PRR16: variants seen among roughly 807,000 people sequenced by gnomAD.
The protein encoded by PRR16 is protein Largen.
PRR16 carries 6 observed loss-of-function variants against 18.2 expected under a neutral mutation model. That is an observed-to-expected ratio of 0.33 (90% confidence interval 0.18 to 0.65). PRR16 has a LOEUF of 0.65. Among genes scored for constraint, PRR16 ranks in the 30% least tolerant of loss-of-function variants. The pLI is 0.74. For synonymous variants in PRR16, 151 were observed against 147.8 expected (o/e 1.02, Z -0.16); for missense variants, 412 against 376.6 (o/e 1.09, Z -0.78).
chr5:120,743,864 ATGT>A, the PRR16 span, among the ~76,000 whole-genome samples: 5 of 151,918 alleles, frequency 3.3e-5, no homozygotes, highest in Non-Finnish European at 4.4e-5. Context: ...CATTCTGAAT[ATGT>A]TGTTTTTTCC....
intron 1 of PRR16, among the ~76,000 whole-genome samples, chr5:120,676,528 G>A (rs1378637967): frequency 9.4e-5 from 14 of 149,030 alleles, no homozygotes; most frequent in African/African-American, 1.2e-4. Flanking sequence ...ATATATGTGT[G>A]TGTGTGTGTG....
chr5:120,698,221 T>C, the PRR16 span, among the ~76,000 whole-genome samples: 6 of 152,050 alleles, frequency 3.9e-5, no homozygotes, highest in East Asian at 9.7e-4. Flanking sequence ...AGGAAGATTT[T>C]GTGGTAAGGG....
At chr5:120,502,462 C>G (rs546592273) in intron 1 of PRR16, among the ~76,000 whole-genome samples, 3 of 151,644 alleles carry the variant, frequency 2.0e-5, no homozygotes, top group Non-Finnish European at 4.4e-5. Flanking sequence ...GTCTTTGTTA[C>G]TTCTCAGGCC....
the PRR16 span, among the ~76,000 whole-genome samples, chr5:120,729,805 T>TG: frequency 6.6e-6 from 1 of 152,000 alleles, no homozygotes; most frequent in Non-Finnish European, 1.5e-5. Context: ...AAACTGCCAT[T>TG]GGTTTGATCT....
the PRR16 span, among the ~76,000 whole-genome samples, chr5:120,717,235 C>G: frequency 6.6e-6 from 1 of 152,156 alleles, no homozygotes; most frequent in Non-Finnish European, 1.5e-5. Flanking sequence ...TTACTAGCTC[C>G]TCCACTTTTC....
chr5:120,614,380 C>T (rs756209538), intron 1 of PRR16, among the ~76,000 whole-genome samples: 1 of 152,158 alleles, frequency 6.6e-6, no homozygotes, highest in African/African-American at 2.4e-5. Flanking sequence ...TGTAAATGCA[C>T]ATTTGTCACG....
At chr5:120,718,838 T>G in the PRR16 span, among the ~76,000 whole-genome samples, 1 of 152,040 alleles carries the variant, frequency 6.6e-6, no homozygotes. Flanking sequence ...TATTTTACAG[T>G]GTAGTGTGGG....
At chr5:120,710,005 T>C in the PRR16 span, among the ~76,000 whole-genome samples, 9,582 of 152,278 alleles carry the variant, frequency 0.063, 374 homozygotes, top group South Asian at 0.089. Context: ...GTGAGATTGC[T>C]GGATCATGTG....
At chr5:120,488,627 G>GT (rs759183343) in intron 1 of PRR16, among the ~76,000 whole-genome samples, 26 of 151,998 alleles carry the variant, frequency 1.7e-4, no homozygotes, top group African/African-American at 4.8e-4. Context: ...TTTTTGAAGG[G>GT]TTTTTTGTGT....
At chr5:120,753,062 A>T in the PRR16 span, among the ~76,000 whole-genome samples, 1 of 151,974 alleles carries the variant, frequency 6.6e-6, no homozygotes, top group Non-Finnish European at 1.5e-5. Context: ...TGAGCAGAGG[A>T]ATGATATGAC....
At chr5:120,563,998 C>A (rs1483496487) in intron 1 of PRR16, among the ~76,000 whole-genome samples, 1 of 152,098 alleles carries the variant, frequency 6.6e-6, no homozygotes, top group Non-Finnish European at 1.5e-5. Context: ...GTCTTCTCTT[C>A]AGGGCAGTGA....
At chr5:120,495,060 T>G (rs1049762360) in intron 1 of PRR16, among the ~76,000 whole-genome samples, 1 of 152,120 alleles carries the variant, frequency 6.6e-6, no homozygotes, top group Non-Finnish European at 1.5e-5. Context: ...GCTTTCGCTA[T>G]TATAATTTAT....
intron 1 of PRR16, among the ~76,000 whole-genome samples, chr5:120,551,816 G>A (rs1403357649): frequency 1.3e-5 from 2 of 151,914 alleles, no homozygotes; most frequent in East Asian, 3.9e-4. Context: ...GATACTAGTA[G>A]GTTCTCTGAC....
At chr5:120,489,940 G>T (rs1421095289) in intron 1 of PRR16, among the ~76,000 whole-genome samples, 1 of 152,094 alleles carries the variant, frequency 6.6e-6, no homozygotes, top group Admixed American at 6.5e-5. Flanking sequence ...TGAAATTCTG[G>T]GTTGAAAATT....
chr5:120,778,601 A>G, the PRR16 span, among the ~76,000 whole-genome samples: 2 of 152,164 alleles, frequency 1.3e-5, no homozygotes, highest in Non-Finnish European at 2.9e-5. Flanking sequence ...ACAGAGGAAA[A>G]TCCCAGATTC....
At chr5:120,552,289 G>T (rs1024754970) in intron 1 of PRR16, among the ~76,000 whole-genome samples, 1 of 151,886 alleles carries the variant, frequency 6.6e-6, no homozygotes, top group African/African-American at 2.4e-5. Context: ...TGCCTCCAGT[G>T]ATTGCACTGG....
At chr5:120,605,980 G>T (rs1007891416) in intron 1 of PRR16, among the ~76,000 whole-genome samples, 3 of 152,100 alleles carry the variant, frequency 2.0e-5, no homozygotes, top group Non-Finnish European at 2.9e-5. Flanking sequence ...TGTGTTCAGG[G>T]GGCTGTGGGC....
At chr5:120,497,038 A>T (rs72788220) in intron 1 of PRR16, among the ~76,000 whole-genome samples, 3,510 of 152,226 alleles carry the variant, frequency 0.023, 51 homozygotes, top group South Asian at 0.035. Flanking sequence ...ATTAATTTCT[A>T]ATTTGATTCT....
chr5:120,623,647 T>C (rs1754761231), intron 1 of PRR16, among the ~76,000 whole-genome samples: 1 of 152,166 alleles, frequency 6.6e-6, no homozygotes, highest in Non-Finnish European at 1.5e-5. Context: ...TTATTAGCTC[T>C]TGTCTTTACC....
Sources: gnomAD v4.1 joint callset for allele counts (sites outside exome capture counted in the v4.1 genomes callset) on GRCh38, gnomAD v4.1.1 for gene constraint, MANE v1.5 for transcripts, NCBI Gene and HGNC (gene_info 2026-07-23, HGNC 2026-07-21) for gene names.